The following TRAPPC9 variants were observed in gnomAD, a reference collection of about 807,000 sequenced individuals.
TRAPPC9 encodes the protein IKK2 binding protein.
In TRAPPC9, 83 loss-of-function variants were observed where a neutral mutation model predicts 124.0. The ratio of observed to expected loss-of-function variants is 0.67; its 90% CI spans 0.56 to 0.80. TRAPPC9 has a LOEUF of 0.80. TRAPPC9 is among the 30% of genes least tolerant of loss of function. TRAPPC9 has a pLI of 0.00. For missense variants in TRAPPC9, 1,302 were observed against 1,508.3 expected, an observed-to-expected ratio of 0.86 and a Z score of 2.27; for synonymous variants, 638 against 617.5, an observed-to-expected ratio of 1.03 and a Z score of -0.49.
At position 140,054,802 on chromosome 8, in the gene TRAPPC9, G is replaced by A. The variant is rs73359128; in HGVS notation, c.2557-30723C>T. On this transcript the variant is annotated intron_variant, in intron 17 of 22. Coordinates refer to ENST00000438773, the MANE Select transcript of TRAPPC9 (RefSeq NM_001160372.4). ...ACAAATTGAATAACCTATGAGAAATGGCTACATCGTAAAAAAAAAACACAA... is the reference window on the plus strand; with the variant it reads ...ACAAATTGAATAACCTATGAGAAATAGCTACATCGTAAAAAAAAAACACAA... 1.7e-3 allele frequency among the ~76,000 whole-genome samples: 258 copies of A among 151,976 alleles called. 2 individuals are homozygous for A. The highest frequency in any genetic ancestry group is 0.01 in the Middle Eastern group (3 of 294).
intron 17 of TRAPPC9, among the ~76,000 whole-genome samples, chr8:140,054,975 G>T (rs1344253766): frequency 6.6e-6 from 1 of 152,142 alleles, no homozygotes; most frequent in Non-Finnish European, 1.5e-5. Flanking sequence ...AACATTTAAA[G>T]AATTAATTCC....
chr8:139,741,200 T>TGCCCCCTCACCTGGGCGTGGC (rs1223260105), intron 21 of TRAPPC9, among the ~76,000 whole-genome samples: 3 of 152,116 alleles, frequency 2.0e-5, no homozygotes, highest in Admixed American at 6.5e-5. Flanking sequence ...CCGGGCGTGA[T>TGCCCCCTCACCTGGGCGTGGC]GCCCCCTCCC....
intron 18 of TRAPPC9, among the ~76,000 whole-genome samples, chr8:139,995,854 T>A: frequency 7.8e-6 from 1 of 128,792 alleles, no homozygotes. Flanking sequence ...CAAAAGGTAC[T>A]CTGCATTAAA....
At chr8:140,114,146 C>T (rs981466891) in intron 17 of TRAPPC9, among the ~76,000 whole-genome samples, 1 of 152,064 alleles carries the variant, frequency 6.6e-6, no homozygotes, top group African/African-American at 2.4e-5. Context: ...ACTCTGCTTC[C>T]GAGCGGGGAC....
chr8:140,278,928 T>G (rs947644615), intron 14 of TRAPPC9, among the ~76,000 whole-genome samples: 2 of 152,268 alleles, frequency 1.3e-5, no homozygotes, highest in Non-Finnish European at 2.9e-5. Flanking sequence ...ACCTGCCTTC[T>G]GTCTCTGAAG....
intron 17 of TRAPPC9, among the ~76,000 whole-genome samples, chr8:140,081,011 T>C (rs539549806): frequency 1.3e-5 from 2 of 152,308 alleles, no homozygotes; most frequent in South Asian, 4.1e-4. Flanking sequence ...ACTCCTGCTG[T>C]GCCACCAACC....
intron 9 of TRAPPC9, among the ~76,000 whole-genome samples, chr8:140,336,317 G>A (rs1309230248): frequency 2.0e-5 from 3 of 152,160 alleles, no homozygotes. Context: ...TATAGTCTGT[G>A]GCTGCAAGCC....
At chr8:140,192,680 T>C (rs577382301) in intron 17 of TRAPPC9, among the ~76,000 whole-genome samples, 1 of 152,366 alleles carries the variant, frequency 6.6e-6, no homozygotes, top group African/African-American at 2.4e-5. Context: ...GCTTGTCACA[T>C]GGGTAACTAT....
intron 9 of TRAPPC9, among the ~76,000 whole-genome samples, chr8:140,341,533 G>C (rs1002446360): frequency 6.6e-6 from 1 of 152,132 alleles, no homozygotes; most frequent in Non-Finnish European, 1.5e-5. Flanking sequence ...CCTTTCTTTT[G>C]TTCTCTGGAA....
At chr8:139,751,399 T>C (rs1288173740) in intron 21 of TRAPPC9, among the ~76,000 whole-genome samples, 4 of 152,168 alleles carry the variant, frequency 2.6e-5, no homozygotes, top group East Asian at 1.9e-4. Flanking sequence ...CCCCTGCATA[T>C]CCCTGCTGCT....
rs889624353 is a variant in TRAPPC9 at position 139,988,727 on chromosome 8, G to A, written c.2809C>T (p.Arg937Ter). 15 of 1,547,280 alleles carry A rather than the reference G, an allele frequency of 9.7e-6. No individual in the cohort carries two copies. Among genetic ancestry groups the A allele is most frequent in the African/African-American group, 1.4e-5 (1 of 72,942 alleles). Residue 937 changes from arginine (R) to a stop codon, truncating the protein, a stop_gained and splice_region_variant, in exon 19 of 23, where the codon CGA becomes TGA. Transcript: ENST00000438773. LOFTEE classifies it high-confidence loss of function. ...CGCGAGGGTCTATGGGACACTTACC[G>A]CTGGCACTCACCGGCGTGCAGGATG... ...ALILHAGECQ[R>*]MAIQVDKFNF...
intron 19 of TRAPPC9, among the ~76,000 whole-genome samples, chr8:139,918,315 G>C (rs986091906): frequency 1.5e-4 from 23 of 152,238 alleles, no homozygotes; most frequent in African/African-American, 5.1e-4. Flanking sequence ...TGAGCACTCT[G>C]CTTCCTCGAT....
intron 17 of TRAPPC9, among the ~76,000 whole-genome samples, chr8:140,053,241 A>G (rs1257307157): frequency 1.3e-5 from 2 of 152,168 alleles, no homozygotes; most frequent in African/African-American, 4.8e-5. Context: ...ACAGAGGAAA[A>G]CTTTTTAGTG....
At position 139,823,070 on chromosome 8, in the gene TRAPPC9, A is replaced by T. The variant is rs551395085; in HGVS notation, c.3055+62809T>A. 3.2e-4 allele frequency among the ~76,000 whole-genome samples: 49 copies of T among 152,134 alleles called. No individual in the cohort carries two copies. The East Asian group carries it at 4.1e-3, about 13-fold the overall frequency. On this transcript the variant is annotated intron_variant, in intron 21 of 22. Coordinates refer to ENST00000438773, the MANE Select transcript of TRAPPC9 (RefSeq NM_001160372.4). ...TTTGATTGACTCAGGCCCCATCCTCATCCCCCATTTAAGCTTAGTTGCCTT... is the reference window on the plus strand; with the variant it reads ...TTTGATTGACTCAGGCCCCATCCTCTTCCCCCATTTAAGCTTAGTTGCCTT...
intron 9 of TRAPPC9, among the ~76,000 whole-genome samples, chr8:140,352,798 A>C (rs1285287482): frequency 6.6e-6 from 1 of 152,118 alleles, no homozygotes; most frequent in African/African-American, 2.4e-5. Flanking sequence ...TCACATCCAC[A>C]TCTGACAGCC....
chr8:139,976,890 G>C (rs73725361), intron 19 of TRAPPC9, among the ~76,000 whole-genome samples: 14,706 of 152,154 alleles, frequency 0.097, 1,203 homozygotes, highest in African/African-American at 0.23. Flanking sequence ...GGAGCTGTAG[G>C]GGGAGACACA....
At chr8:139,919,796 G>C (rs1182161326) in intron 19 of TRAPPC9, among the ~76,000 whole-genome samples, 1 of 152,184 alleles carries the variant, frequency 6.6e-6, no homozygotes, top group Non-Finnish European at 1.5e-5. Flanking sequence ...AGCAGGTGCG[G>C]AGGACCCCAT....
chr8:140,139,747 C>G (rs2061355678), intron 17 of TRAPPC9, among the ~76,000 whole-genome samples: 4 of 152,074 alleles, frequency 2.6e-5, no homozygotes, highest in Admixed American at 2.6e-4. Flanking sequence ...AGCTGCTACC[C>G]TGGGGAGGAA....
intron 21 of TRAPPC9, among the ~76,000 whole-genome samples, chr8:139,840,692 G>T (rs897138155): frequency 2.6e-5 from 4 of 152,194 alleles, no homozygotes; most frequent in Non-Finnish European, 5.9e-5. Context: ...CAGCAATGCA[G>T]TGGCACAGTC....
Sources: gnomAD v4.1 joint callset for allele counts (sites outside exome capture counted in the v4.1 genomes callset) on GRCh38, gnomAD v4.1.1 for gene constraint, MANE v1.5 for transcripts, NCBI Gene and HGNC (gene_info 2026-07-23, HGNC 2026-07-21) for gene names.